The following DNAH14 variants were observed in gnomAD, a reference collection of about 807,000 sequenced individuals.
DNAH14 encodes dynein axonemal heavy chain 14.
Under a neutral mutation model 520.9 loss-of-function variants are expected in DNAH14, and 478 were observed. The observed-to-expected ratio is 0.92, with a 90% confidence interval of 0.85 to 0.99. DNAH14 has a LOEUF of 0.99. Ranked by LOEUF, DNAH14 falls within the 50% of genes least tolerant of loss-of-function variation. The pLI is 0.00. For synonymous variants in DNAH14, 1,581 were observed against 1,757.2 expected, an observed-to-expected ratio of 0.90 and a Z score of 2.51; for missense variants, 4,831 against 5,234.5, an observed-to-expected ratio of 0.92 and a Z score of 2.38.
intron 54 of DNAH14, among the ~76,000 whole-genome samples, chr1:225,288,574 A>G (rs1265035942): frequency 1.3e-5 from 2 of 152,154 alleles, no homozygotes; most frequent in African/African-American, 4.8e-5. Flanking sequence ...TGGATATATG[A>G]CAGTTCCCCA....
intron 61 of DNAH14, among the ~76,000 whole-genome samples, chr1:225,322,427 A>C (rs1331472275): frequency 1.3e-5 from 2 of 152,126 alleles, no homozygotes; most frequent in African/African-American, 4.8e-5. Flanking sequence ...CCTTTAACTC[A>C]GATGTAGTAC....
intron 42 of DNAH14, among the ~76,000 whole-genome samples, chr1:225,233,558 G>A (rs1461809524): frequency 6.6e-6 from 1 of 152,178 alleles, no homozygotes; most frequent in Non-Finnish European, 1.5e-5. Context: ...CTAATGATCA[G>A]TGATGTTGAG....
intron 17 of DNAH14, among the ~76,000 whole-genome samples, chr1:225,074,389 G>A (rs2071981408): frequency 6.6e-6 from 1 of 152,222 alleles, no homozygotes; most frequent in Non-Finnish European, 1.5e-5. Flanking sequence ...CCAGTGAGGA[G>A]GAACAGATAC....
At chr1:225,017,325 T>G (rs1042648091) in intron 10 of DNAH14, among the ~76,000 whole-genome samples, 5 of 152,234 alleles carry the variant, frequency 3.3e-5, no homozygotes, top group African/African-American at 1.2e-4. Context: ...AAAGTTGTAA[T>G]GAAAGTTGTT....
chr1:225,390,369 G>A (rs980651643), intron 83 of DNAH14, among the ~76,000 whole-genome samples: 3 of 152,146 alleles, frequency 2.0e-5, no homozygotes, highest in Admixed American at 6.6e-5. Flanking sequence ...CCAACGATGC[G>A]TGGTCGTGGG....
At chr1:225,144,126 A>G (rs2079702672) in intron 28 of DNAH14, among the ~76,000 whole-genome samples, 1 of 152,362 alleles carries the variant, frequency 6.6e-6, no homozygotes, top group African/African-American at 2.4e-5. Context: ...TTGGGTTGAC[A>G]TCACACCAAA....
At position 225,019,527 on chromosome 1, in the gene DNAH14, A is replaced by G. The variant is rs554124652; in HGVS notation, c.1108-4088A>G. ...AGACACATTGTTGAGGCAGAAAACTACAAAACTATTCAGGACTTAAACTTG... is the reference window on the plus strand; with the variant it reads ...AGACACATTGTTGAGGCAGAAAACTGCAAAACTATTCAGGACTTAAACTTG... On this transcript the variant is annotated intron_variant, in intron 10 of 85. Coordinates refer to ENST00000682510, the MANE Select transcript of DNAH14 (RefSeq NM_001367479.1). 2.6e-5 allele frequency among the ~76,000 whole-genome samples: 4 copies of G among 152,318 alleles called. No individual in the cohort carries two copies. The East Asian group carries it at 7.7e-4, about 29-fold the overall frequency.
At position 225,140,811 on chromosome 1, in the gene DNAH14, G is replaced by C. The variant is rs755366364; in HGVS notation, c.4298G>C (p.Ser1433Thr). ...AATGATTGTGTTAAAAGTTTTGTGA[G>C]TTCTTATTCAAGAGAAAAATTGGAA... ...FYNDCVKSFV[S>T]SYSREKLEKV... The change falls in exon 28 of 86, where the codon AGT becomes ACT. Residue 1433 changes from serine to threonine, a missense_variant. By Grantham distance (58) the Ser-to-Thr change is moderately conservative (BLOSUM62 1). Transcript: ENST00000682510. 2.6e-6 allele frequency: 4 copies of C among 1,550,492 alleles called. No individual in the cohort carries two copies. The Admixed American group carries it at 7.8e-5, about 30-fold the overall frequency.
intron 60 of DNAH14, among the ~76,000 whole-genome samples, chr1:225,316,840 TC>T (rs1395961910): frequency 2.0e-5 from 3 of 152,232 alleles, no homozygotes; most frequent in Non-Finnish European, 4.4e-5. Context: ...AATACTTTTT[TC>T]TACGTTTTCT....
intron 65 of DNAH14, among the ~76,000 whole-genome samples, chr1:225,332,358 AG>A (rs1317550976): frequency 1.3e-5 from 2 of 152,202 alleles, no homozygotes; most frequent in Non-Finnish European, 2.9e-5. Flanking sequence ...ATAGACTGAG[AG>A]GCAGTGGAAC....
rs535128270 is a variant in DNAH14, at chr1:225,261,260, A to G, written c.7157+2007A>G. 1.2e-3 allele frequency among the ~76,000 whole-genome samples: 183 copies of G among 152,266 alleles called. 2 individuals carry two copies. The highest frequency in any genetic ancestry group is 6.8e-3 in the Middle Eastern group (2 of 294). On this transcript the variant is annotated intron_variant, in intron 46 of 85. Transcript: ENST00000682510. ...TTTCAGCTTTTGACCACTGAGTATGATGTTAGCTGTGATGTATCAGACTTG... is the reference window on the plus strand; with the variant it reads ...TTTCAGCTTTTGACCACTGAGTATGGTGTTAGCTGTGATGTATCAGACTTG...
intron 67 of DNAH14, among the ~76,000 whole-genome samples, chr1:225,337,846 A>G (rs2095091728): frequency 6.6e-6 from 1 of 152,188 alleles, no homozygotes; most frequent in Admixed American, 6.5e-5. Flanking sequence ...CCCCTCGAGC[A>G]TTATCTTTTG....
intron 27 of DNAH14, among the ~76,000 whole-genome samples, chr1:225,137,303 T>C (rs992061827): frequency 5.3e-5 from 8 of 152,128 alleles, no homozygotes; most frequent in African/African-American, 1.9e-4. Flanking sequence ...TGCTGACCTT[T>C]GAGTGGGGTT....
At chr1:225,080,942 T>C (rs2073046901) in intron 19 of DNAH14, among the ~76,000 whole-genome samples, 194 bp downstream of exon 19, 1 of 152,240 alleles carries the variant, frequency 6.6e-6, no homozygotes, top group Non-Finnish European at 1.5e-5. Flanking sequence ...AAAAAAGTTT[T>C]GTTAAGAAAT....
intron 41 of DNAH14, among the ~76,000 whole-genome samples, chr1:225,214,924 C>T (rs1367506762): frequency 6.6e-6 from 1 of 152,116 alleles, no homozygotes; most frequent in Non-Finnish European, 1.5e-5. Flanking sequence ...CTGCTCTGAT[C>T]TTAGTTATTT....
intron 64 of DNAH14, among the ~76,000 whole-genome samples, chr1:225,327,502 T>C (rs2094702255): frequency 1.3e-5 from 2 of 151,690 alleles, no homozygotes; most frequent in Non-Finnish European, 2.9e-5. Context: ...ACAGAAGAAA[T>C]CACAAGAGAA....
At chr1:225,142,385 A>G (rs776829072) in intron 28 of DNAH14, among the ~76,000 whole-genome samples, 2 of 152,234 alleles carry the variant, frequency 1.3e-5, no homozygotes, top group African/African-American at 2.4e-5. Flanking sequence ...ACAGCAATGT[A>G]CAACATCTAT....
chr1:225,102,200 T>G (rs1396799955), intron 23 of DNAH14, among the ~76,000 whole-genome samples: 4 of 151,982 alleles, frequency 2.6e-5, no homozygotes, highest in Non-Finnish European at 2.9e-5. Context: ...TTCATCCATG[T>G]CCCTACAAAG....
At position 225,388,498 on chromosome 1, in the gene DNAH14, AT is replaced by A. The variant is rs1189708403; in HGVS notation, c.13190+8del. The A allele has an allele frequency of 7.0e-7, 1 of 1,436,260 alleles. No homozygotes were observed. Among genetic ancestry groups the A allele is most frequent in the Non-Finnish European group, 9.5e-7 (1 of 1,054,198 alleles). The allele number at this position is 1,436,260 out of a possible 1,614,324, so 89.0% of individuals were successfully genotyped here. ...ATACTGCAATACAGCGTCGGTATGGATAAAAGATGCTTTACATTTCTTCCTC... is the reference window on the plus strand; with the variant it reads ...ATACTGCAATACAGCGTCGGTATGGAAAAAGATGCTTTACATTTCTTCCTC... On this transcript the variant is annotated splice_region_variant and intron_variant, in intron 82 of 85. Coordinates refer to ENST00000682510, the MANE Select transcript of DNAH14 (RefSeq NM_001367479.1).
Sources: allele counts gnomAD v4.1 joint callset (sites outside exome capture counted in the v4.1 genomes callset), GRCh38; gene constraint gnomAD v4.1.1; transcripts MANE v1.5; gene names NCBI Gene and HGNC (gene_info 2026-07-23, HGNC 2026-07-21).